The following DPF2 variants were observed in gnomAD, a reference collection of about 807,000 sequenced individuals.
DPF2 encodes the protein zinc finger protein ubi-d4.
DPF2 carries 10 observed loss-of-function variants against 59.6 expected under a neutral mutation model. That is an observed-to-expected ratio of 0.17 (90% CI 0.10 to 0.28). The LOEUF (loss-of-function observed/expected upper bound fraction) is 0.28, where lower values mean the gene tolerates loss of function less well. Ranked by LOEUF, DPF2 falls within the 10% of genes least tolerant of loss-of-function variation. DPF2 has a pLI of 1.00. For synonymous variants in DPF2, 189 were observed against 190.6 expected (o/e 0.99, Z 0.07); for missense variants, 315 against 509.4 (o/e 0.62, Z 3.67).
chr11:65,344,890 A>C (rs1211682540), intron 6 of DPF2: 2 of 485,974 alleles, frequency 4.1e-6, no homozygotes, highest in East Asian at 6.7e-5. Context: ...GCCCATTACA[A>C]TCAGACCCTT....
rs1030788774 is a variant in DPF2 at position 65,333,856 on chromosome 11, C to T, written c.-31C>T. 3 of 1,613,448 alleles carry T rather than the reference C, an allele frequency of 1.9e-6. No homozygotes were observed. Among genetic ancestry groups the T allele is most frequent in the Middle Eastern group, 1.6e-4 (1 of 6,078 alleles). On this transcript the variant is annotated 5_prime_UTR_variant, in exon 1 of 11. Transcript: ENST00000528416. Reference sequence around the variant, plus strand: ...CGCCTGCGCGCTGCGGACTGTGGGGCTTCTCGGCCCGAGGCAGAGGAACAG... The same window carrying T: ...CGCCTGCGCGCTGCGGACTGTGGGGTTTCTCGGCCCGAGGCAGAGGAACAG...
Position 65,340,409 on chromosome 11 carries a change from T to C in DPF2, c.57T>C (p.Asp19=), listed in dbSNP as rs1854329091. ...VKLLGEQYYK[D]AMEQCHNYNA... is the part of the protein sequence containing the mutation. The stretch of plus-strand genomic sequence containing the variant: ...GCCTTGGGGAGCAGTACTACAAAGA[T>C]GCCATGGAGCAGTGCCACAATTACA... Residue 19 remains aspartate, a synonymous_variant, in exon 2 of 11, where the codon GAT becomes GAC. Transcript: ENST00000528416. The C allele has an allele frequency of 4.3e-6, 7 of 1,614,104 alleles. No homozygotes were observed. Among genetic ancestry groups the C allele is most frequent in the Non-Finnish European group, 5.9e-6 (7 of 1,180,052 alleles).
At chr11:65,337,583 G>A (rs1854236419) in intron 1 of DPF2, among the ~76,000 whole-genome samples, 3 of 131,768 alleles carry the variant, frequency 2.3e-5, no homozygotes, top group South Asian at 5.3e-4. Context: ...TCTTGGTATC[G>A]GAGCCTTAAG....
intron 10 of DPF2, among the ~76,000 whole-genome samples, chr11:65,351,068 C>T (rs1019468086): frequency 1.3e-5 from 2 of 151,884 alleles, no homozygotes; most frequent in African/African-American, 4.8e-5. Flanking sequence ...CACTCTGGCT[C>T]TTTACAGAAA....
In DPF2 at chr11:65,353,162, T is replaced by C. The variant is rs1854775132; in HGVS notation, c.*1403T>C. On this transcript the variant is annotated 3_prime_UTR_variant, in exon 11 of 11. Coordinates refer to ENST00000528416, the MANE Select transcript of DPF2 (RefSeq NM_006268.5). ...GAATATAAAATTGGTTATTTTGTTT[T>C]GTTACATAAATTCAAGTTTATAACA... is the stretch of plus-strand genomic sequence containing the variant. The C allele has an allele frequency of 6.6e-6, 1 of 152,186 alleles. No homozygotes were observed. Among genetic ancestry groups the C allele is most frequent in the South Asian group, 2.1e-4 (1 of 4,834 alleles). 9.4% of individuals were successfully genotyped at this position (152,186 alleles called of 1,614,324 possible).
intron 10 of DPF2, among the ~76,000 whole-genome samples, chr11:65,351,050 A>G (rs1854683291): frequency 6.6e-6 from 1 of 152,030 alleles, no homozygotes; most frequent in Non-Finnish European, 1.5e-5. Flanking sequence ...ACACCCTAAA[A>G]TATTTAACAC....
At chr11:65,334,686 C>T (rs1259271294) in intron 1 of DPF2, among the ~76,000 whole-genome samples, 1 of 152,168 alleles carries the variant, frequency 6.6e-6, no homozygotes, top group African/African-American at 2.4e-5. Flanking sequence ...TGGACGCTGG[C>T]CTATGAACTG....
At chr11:65,345,281 C>T (rs186748045) in intron 6 of DPF2, 2 of 202,646 alleles carry the variant, frequency 9.9e-6, no homozygotes, top group East Asian at 2.3e-4. Flanking sequence ...GTCTTATCCA[C>T]TTTTCCCCCT....
intron 1 of DPF2, among the ~76,000 whole-genome samples, chr11:65,335,573 C>T (rs1298042385): frequency 6.6e-6 from 1 of 152,184 alleles, no homozygotes; most frequent in Admixed American, 6.5e-5. Flanking sequence ...GCATCACCAG[C>T]CACTAATTCC....
At chr11:65,337,541 A>AGAAAGAGAGG (rs1854231500) in intron 1 of DPF2, among the ~76,000 whole-genome samples, 1 of 137,262 alleles carries the variant, frequency 7.3e-6, no homozygotes, top group Admixed American at 7.4e-5. Flanking sequence ...AGAGAGAGAG[A>AGAAAGAGAGG]GAGAGAACAA....
At position 65,340,418 on chromosome 11, in the gene DPF2, G is replaced by A; in HGVS notation, c.66G>A (p.Glu22=). The A allele has an allele frequency of 6.2e-7, 1 of 1,614,244 alleles. No homozygotes were observed. Among genetic ancestry groups the A allele is most frequent in the Non-Finnish European group, 8.5e-7 (1 of 1,180,042 alleles). The change falls in exon 2 of 11, where the codon GAG becomes GAA. Residue 22 remains glutamate (E), a synonymous_variant. Coordinates refer to ENST00000528416, the MANE Select transcript of DPF2 (RefSeq NM_006268.5). ...LGEQYYKDAM[E]QCHNYNARLC... ...AGCAGTACTACAAAGATGCCATGGAGCAGTGCCACAATTACAATGCTCGCC... is the reference window on the plus strand; with the variant it reads ...AGCAGTACTACAAAGATGCCATGGAACAGTGCCACAATTACAATGCTCGCC...
intron 10 of DPF2, among the ~76,000 whole-genome samples, 195 bp from the exon 11 acceptor site, chr11:65,351,488 G>A (rs1854695996): frequency 6.6e-6 from 1 of 152,214 alleles, no homozygotes; most frequent in African/African-American, 2.4e-5. Flanking sequence ...CTCCATAGAG[G>A]ATGATATTTC....
At chr11:65,346,579 A>G in intron 9 of DPF2, 1 of 492,546 alleles carries the variant, frequency 2.0e-6, no homozygotes, top group South Asian at 3.2e-5. Flanking sequence ...TAAAGATGCT[A>G]AAGACAAACA....
chr11:65,336,531 C>T (rs1005339767), intron 1 of DPF2, among the ~76,000 whole-genome samples: 2 of 151,726 alleles, frequency 1.3e-5, no homozygotes, highest in Non-Finnish European at 2.9e-5. Context: ...GTGGCTCATG[C>T]CTGTAATCCC....
intron 10 of DPF2, among the ~76,000 whole-genome samples, chr11:65,350,999 G>A (rs1854681360): frequency 6.6e-6 from 1 of 151,220 alleles, no homozygotes; most frequent in African/African-American, 2.4e-5. Flanking sequence ...AAAAAATAAA[G>A]GGAGTTAAAA....
chr11:65,339,809 T>G (rs930323026), intron 1 of DPF2, among the ~76,000 whole-genome samples: 1 of 152,226 alleles, frequency 6.6e-6, no homozygotes, highest in Admixed American at 6.5e-5. Context: ...TGAAATTGTT[T>G]AATATCAGTA....
At chr11:65,334,874 A>G (rs1218983092) in intron 1 of DPF2, among the ~76,000 whole-genome samples, 1 of 152,116 alleles carries the variant, frequency 6.6e-6, no homozygotes, top group Non-Finnish European at 1.5e-5. Flanking sequence ...GGGTTTTTGC[A>G]TTTTGACTGG....
In DPF2 at chr11:65,352,230, G is replaced by A; in HGVS notation, c.*471G>A. 1 of 180,716 alleles carries A rather than the reference G, an allele frequency of 5.5e-6. No individual in the cohort carries two copies. Among genetic ancestry groups the A allele is most frequent in the Non-Finnish European group, 1.2e-5 (1 of 84,448 alleles). 11.2% of individuals were successfully genotyped at this position (180,716 alleles called of 1,614,324 possible). A position where few individuals can be genotyped will look rare whatever the true frequency, so the allele number is the denominator to read the frequency against. ...TCCACAAGGAGCTTTTCATGCCCCT[G>A]TGCCGCATAGCCTCACCTCTTTCCT... On this transcript the variant is annotated 3_prime_UTR_variant, in exon 11 of 11. Transcript: ENST00000528416.
At chr11:65,335,842 C>T (rs576561026) in intron 1 of DPF2, among the ~76,000 whole-genome samples, 1 of 152,102 alleles carries the variant, frequency 6.6e-6, no homozygotes, top group East Asian at 1.9e-4. Flanking sequence ...GACAGAGTCT[C>T]ACTGTTGTCG....
Sources: allele counts gnomAD v4.1 joint callset (sites outside exome capture counted in the v4.1 genomes callset), GRCh38; gene constraint gnomAD v4.1.1; transcripts MANE v1.5; gene names NCBI Gene and HGNC (gene_info 2026-07-23, HGNC 2026-07-21).